C13orf42: variants seen among roughly 807,000 people sequenced by gnomAD.
C13orf42 encodes the protein chromosome 13 open reading frame 42, also known as uncharacterized protein C13orf42.
At chr13:51,144,927 G>C (rs547268224) in intron 1 of C13orf42, among the ~76,000 whole-genome samples, 1 of 152,132 alleles carries the variant, frequency 6.6e-6, no homozygotes, top group Non-Finnish European at 1.5e-5. Context: ...ATTAGGCCAA[G>C]TATAATAAGC....
intron 1 of C13orf42, among the ~76,000 whole-genome samples, chr13:51,165,142 G>A (rs1036820822): frequency 7.2e-5 from 11 of 152,112 alleles, no homozygotes; most frequent in East Asian, 5.8e-4. Flanking sequence ...CCTTCTATTC[G>A]GGTTCAGCCA....
At chr13:51,108,007 C>T (rs189868641) in intron 1 of C13orf42, among the ~76,000 whole-genome samples, 4 of 152,328 alleles carry the variant, frequency 2.6e-5, no homozygotes, top group African/African-American at 9.6e-5. Context: ...AGGCCAGAAG[C>T]TGTCCGCAGG....
chr13:51,149,700 T>C (rs1953765182), intron 1 of C13orf42, among the ~76,000 whole-genome samples: 1 of 152,220 alleles, frequency 6.6e-6, no homozygotes, highest in African/African-American at 2.4e-5. Context: ...ATTATGTTTT[T>C]CCAGTGCAAA....
intron 1 of C13orf42, among the ~76,000 whole-genome samples, chr13:51,119,982 A>T (rs200789476): frequency 6.6e-4 from 43 of 65,070 alleles, no homozygotes; most frequent in African/African-American, 5.8e-3. Context: ...TTTTCCTTTT[A>T]AAAAAAAAAG....
At chr13:51,145,671 A>T (rs1953728404) in intron 1 of C13orf42, among the ~76,000 whole-genome samples, 1 of 152,206 alleles carries the variant, frequency 6.6e-6, no homozygotes, top group Non-Finnish European at 1.5e-5. Context: ...TCACTGAGAC[A>T]GGTGCGTATC....
At chr13:51,121,153 C>T (rs1953531947) in intron 1 of C13orf42, among the ~76,000 whole-genome samples, 2 of 152,162 alleles carry the variant, frequency 1.3e-5, no homozygotes, top group Non-Finnish European at 2.9e-5. Flanking sequence ...GAGTTGCCCT[C>T]CTGCACTCAG....
At chr13:51,098,597 A>C (rs1953258645) in intron 1 of C13orf42, among the ~76,000 whole-genome samples, 1 of 152,178 alleles carries the variant, frequency 6.6e-6, no homozygotes, top group Admixed American at 6.5e-5. Flanking sequence ...TAACACTCAC[A>C]AATATGACAT....
chr13:51,088,836 T>G (rs1953155486), intron 1 of C13orf42, among the ~76,000 whole-genome samples: 1 of 152,200 alleles, frequency 6.6e-6, no homozygotes, highest in African/African-American at 2.4e-5. Flanking sequence ...AAGAATCTAT[T>G]CAGTAGCTTA....
intron 1 of C13orf42, among the ~76,000 whole-genome samples, chr13:51,093,789 A>C (rs1953204381): frequency 6.6e-6 from 1 of 152,186 alleles, no homozygotes; most frequent in Non-Finnish European, 1.5e-5. Context: ...TTGCTTTTCC[A>C]GTTCTTCAAC....
intron 1 of C13orf42, among the ~76,000 whole-genome samples, chr13:51,156,338 T>A (rs958232043): frequency 6.6e-6 from 1 of 152,246 alleles, no homozygotes; most frequent in Non-Finnish European, 1.5e-5. Context: ...TCTTACTATG[T>A]GCCAAGTGCA....
chr13:51,161,309 G>C (rs1953862517), intron 1 of C13orf42, among the ~76,000 whole-genome samples: 1 of 151,792 alleles, frequency 6.6e-6, no homozygotes, highest in Non-Finnish European at 1.5e-5. Flanking sequence ...AAGCAGAAAT[G>C]CATGGATGTA....
chr13:51,140,555 C>T (rs1264467387), intron 1 of C13orf42, among the ~76,000 whole-genome samples: 1 of 152,134 alleles, frequency 6.6e-6, no homozygotes, highest in East Asian at 1.9e-4. Context: ...TGGCTCAAAC[C>T]AATAGGACAA....
intron 1 of C13orf42, among the ~76,000 whole-genome samples, chr13:51,090,159 G>A (rs1274874685): frequency 1.3e-5 from 2 of 152,046 alleles, no homozygotes; most frequent in Non-Finnish European, 2.9e-5. Context: ...CTGGAGGTAG[G>A]TCCACACTTG....
intron 1 of C13orf42, among the ~76,000 whole-genome samples, chr13:51,145,137 T>G (rs1376016458): frequency 8.7e-6 from 1 of 114,402 alleles, no homozygotes; most frequent in Admixed American, 8.8e-5. Flanking sequence ...TCAATTTTTT[T>G]TCCTTCTCTT....
At chr13:51,104,302 C>G (rs1055586704) in intron 1 of C13orf42, among the ~76,000 whole-genome samples, 1 of 152,008 alleles carries the variant, frequency 6.6e-6, no homozygotes, top group Admixed American at 6.6e-5. Flanking sequence ...GTGAAAGACC[C>G]TGGTTATTAT....
intron 1 of C13orf42, among the ~76,000 whole-genome samples, chr13:51,164,248 A>G (rs1265410110): frequency 6.6e-6 from 1 of 152,230 alleles, no homozygotes; most frequent in Non-Finnish European, 1.5e-5. Context: ...CTGGACTGTA[A>G]GCTCCACTAA....
At chr13:51,168,464 G>C (rs966480235) in intron 1 of C13orf42, among the ~76,000 whole-genome samples, 3 of 152,226 alleles carry the variant, frequency 2.0e-5, no homozygotes, top group Non-Finnish European at 4.4e-5. Flanking sequence ...TGACAAGTGG[G>C]AAGTAGTTGG....
At chr13:51,108,426 T>C (rs1477754722) in intron 1 of C13orf42, among the ~76,000 whole-genome samples, 4 of 152,176 alleles carry the variant, frequency 2.6e-5, no homozygotes, top group Admixed American at 6.5e-5. Context: ...TCTGGTCCCC[T>C]GTCCCGGCAA....
intron 1 of C13orf42, among the ~76,000 whole-genome samples, chr13:51,159,232 T>A (rs553248781): frequency 3.9e-5 from 6 of 152,348 alleles, no homozygotes; most frequent in Non-Finnish European, 7.4e-5. Flanking sequence ...CTCTCAGGGC[T>A]GATGATTTAC....
Sources: allele counts gnomAD v4.1 joint callset (sites outside exome capture counted in the v4.1 genomes callset), GRCh38; gene constraint gnomAD v4.1.1; transcripts MANE v1.5; gene names NCBI Gene and HGNC (gene_info 2026-07-23, HGNC 2026-07-21).